The following NDUFAF6 variants were observed in gnomAD, a reference collection of about 807,000 sequenced individuals.
NDUFAF6 encodes the protein NADH:ubiquinone oxidoreductase complex assembly factor 6, also known as NADH dehydrogenase (ubiquinone) complex I, assembly factor 6.
NDUFAF6 carries 45 observed loss-of-function variants against 40.8 expected under a neutral mutation model. That is an observed-to-expected ratio of 1.10 (90% CI 0.87 to 1.42). The LOEUF (loss-of-function observed/expected upper bound fraction) is 1.42. Among genes scored for constraint, NDUFAF6 ranks in the 40% most tolerant of loss-of-function variants. NDUFAF6 has a pLI of 0.00. For missense variants in NDUFAF6, 435 were observed against 418.5 expected, an observed-to-expected ratio of 1.04 and a Z score of -0.34; for synonymous variants, 185 against 155.9, an observed-to-expected ratio of 1.19 and a Z score of -1.39.
chr8:95,018,821 C>T (rs1297356888), intron 2 of NDUFAF6, among the ~76,000 whole-genome samples: 4 of 152,130 alleles, frequency 2.6e-5, no homozygotes, highest in Non-Finnish European at 1.5e-5. Flanking sequence ...AACCACTTCC[C>T]CCTACAATAC....
intron 2 of NDUFAF6, among the ~76,000 whole-genome samples, chr8:94,997,289 GACACACACACACACACACACACACAC>G (rs57953301): frequency 1.1e-5 from 1 of 94,676 alleles, no homozygotes; most frequent in Non-Finnish European, 2.0e-5. Context: ...CAAGAAGAAA[GACACACACACACACACACACACACAC>G]ACACACACAC....
At chr8:95,016,129 C>T (rs750776524) in intron 2 of NDUFAF6, among the ~76,000 whole-genome samples, 6 of 149,854 alleles carry the variant, frequency 4.0e-5, no homozygotes, top group African/African-American at 7.4e-5. Context: ...TTCTCCCCTC[C>T]GATTGTGCCT....
chr8:95,049,303 C>CA (rs1831169370), intron 7 of NDUFAF6, among the ~76,000 whole-genome samples: 1 of 152,166 alleles, frequency 6.6e-6, no homozygotes, highest in African/African-American at 2.4e-5. Flanking sequence ...TGAACTGGTT[C>CA]CTGATTTCTC....
At chr8:95,089,134 C>T (rs919465543) in intron 2 of NDUFAF6, among the ~76,000 whole-genome samples, 19 of 152,084 alleles carry the variant, frequency 1.2e-4, no homozygotes, top group African/African-American at 4.6e-4. Context: ...GATCTCCGCC[C>T]ACTGCAACCT....
chr8:95,080,711 TGTTGCCCGCTG>T (rs1808828421), downstream of NDUFAF6, among the ~76,000 whole-genome samples: 1 of 152,218 alleles, frequency 6.6e-6, no homozygotes, highest in Admixed American at 6.5e-5. Flanking sequence ...GGTTTCATCA[TGTTGCCCGCTG>T]GTCTCAAACT....
chr8:94,959,649 G>T (rs1823398125), intron 1 of NDUFAF6, among the ~76,000 whole-genome samples: 1 of 151,640 alleles, frequency 6.6e-6, no homozygotes, highest in African/African-American at 2.4e-5. Context: ...TCCCACCTCA[G>T]CCTCCTGAGT....
intron 7 of NDUFAF6, among the ~76,000 whole-genome samples, chr8:95,051,783 A>T (rs1831461959): frequency 6.6e-6 from 1 of 152,154 alleles, no homozygotes; most frequent in African/African-American, 2.4e-5. Flanking sequence ...AAGGTCAGGG[A>T]ACACAGGCAA....
chr8:94,899,129 C>T (rs1438181679), intron 1 of NDUFAF6, among the ~76,000 whole-genome samples: 1 of 152,204 alleles, frequency 6.6e-6, no homozygotes, highest in Non-Finnish European at 1.5e-5. Flanking sequence ...GAACTCCTGA[C>T]CTTAAATCAA....
upstream of NDUFAF6, among the ~76,000 whole-genome samples, chr8:95,100,155 T>C (rs966820546): frequency 6.6e-6 from 1 of 152,004 alleles, no homozygotes; most frequent in Non-Finnish European, 1.5e-5. Flanking sequence ...CCTTAGTTCA[T>C]GCTGTGTAAG....
At chr8:94,956,562 T>A (rs1389880322), upstream of NDUFAF6, among the ~76,000 whole-genome samples, 1 of 152,176 alleles carries the variant, frequency 6.6e-6, no homozygotes, top group Non-Finnish European at 1.5e-5. Context: ...ATGAAAAGTC[T>A]AGATTTCATT....
rs1185247183 is a variant in NDUFAF6, at chr8:94,958,558, G to A, written c.-199+379G>A. Reference sequence around the variant, plus strand: ...TTTTTTTTTTTTTTTTTTTTGAGATGGAGTCTTGCTCTGTCGCTCAGGCTA... The same window carrying A: ...TTTTTTTTTTTTTTTTTTTTGAGATAGAGTCTTGCTCTGTCGCTCAGGCTA... On this transcript the variant is annotated intron_variant, in intron 1 of 9. Transcript: ENST00000396111. Among the ~76,000 whole-genome samples, 5 of 98,044 alleles carry A rather than the reference G, an allele frequency of 5.1e-5. No individual in the cohort carries two copies. In the Admixed American group the frequency reaches 5.8e-4, roughly 11 times the overall value. The allele number at this position is 98,044 out of a possible 152,430, so 64.3% of individuals were successfully genotyped here.
intron 8 of NDUFAF6, among the ~76,000 whole-genome samples, chr8:95,054,484 G>C (rs886779584): frequency 1.7e-4 from 25 of 150,902 alleles, no homozygotes; most frequent in African/African-American, 6.1e-4. Context: ...GCTCAGGCTG[G>C]AGTGCAATGG....
intron 1 of NDUFAF6, among the ~76,000 whole-genome samples, chr8:94,965,667 T>C (rs930930562): frequency 6.6e-6 from 1 of 152,184 alleles, no homozygotes; most frequent in Non-Finnish European, 1.5e-5. Flanking sequence ...ATTTAGTCAA[T>C]TGGCCATGAC....
intron 1 of NDUFAF6, among the ~76,000 whole-genome samples, chr8:94,935,089 C>CGGTAGGTA (rs151249970): frequency 0.03 from 4,495 of 149,910 alleles, 218 homozygotes; most frequent in African/African-American, 0.1. Flanking sequence ...AAACAGGAAA[C>CGGTAGGTA]GGTAGGTAGG....
Position 94,911,182 on chromosome 8 carries a change from G to A in NDUFAF6, c.-936+15255G>A, listed in dbSNP as rs536618155. On this transcript the variant is annotated intron_variant, in intron 1 of 14. Coordinates refer to the NDUFAF6 transcript ENST00000396113. ...CGTCTGTATTTGACTTTTACAGCAA[G>A]CATGTATTGATATTGTGATTCTTTA... 2.6e-5 allele frequency among the ~76,000 whole-genome samples: 4 copies of A among 152,296 alleles called. No individual in the cohort carries two copies. In the South Asian group the frequency reaches 8.3e-4, roughly 32 times the overall value.
chr8:95,091,427 C>G (rs551279001), intron 2 of NDUFAF6, among the ~76,000 whole-genome samples: 2 of 152,076 alleles, frequency 1.3e-5, no homozygotes, highest in South Asian at 4.2e-4. Context: ...AGTCACCTCC[C>G]ACAAGGTATC....
At chr8:94,971,346 GAT>G (rs144709962) in intron 1 of NDUFAF6, among the ~76,000 whole-genome samples, 16,309 of 152,218 alleles carry the variant, frequency 0.11, 1,208 homozygotes, top group Non-Finnish European at 0.17. Context: ...GAGTGAAGCT[GAT>G]ACTCCCAAAC....
intron 2 of NDUFAF6, among the ~76,000 whole-genome samples, chr8:94,997,439 G>A (rs921690874): frequency 2.0e-5 from 3 of 151,886 alleles, no homozygotes; most frequent in African/African-American, 7.3e-5. Flanking sequence ...TCCACTAGCA[G>A]ATATGCTTAG....
intron 2 of NDUFAF6, among the ~76,000 whole-genome samples, chr8:94,996,994 T>C (rs1483429665): frequency 6.6e-6 from 1 of 152,192 alleles, no homozygotes; most frequent in Non-Finnish European, 1.5e-5. Context: ...TGGTTTGTTA[T>C]GGCAGCCTGA....
Sources: gnomAD v4.1 joint callset for allele counts (sites outside exome capture counted in the v4.1 genomes callset) on GRCh38, gnomAD v4.1.1 for gene constraint, MANE v1.5 for transcripts, NCBI Gene and HGNC (gene_info 2026-07-23, HGNC 2026-07-21) for gene names.